The following MARCHF10 variants were observed in gnomAD, a reference collection of about 807,000 sequenced individuals.
The protein encoded by MARCHF10 is probable E3 ubiquitin-protein ligase MARCHF10.
MARCHF10 carries 64 observed loss-of-function variants against 76.2 expected under a neutral mutation model. The observed-to-expected ratio is 0.84, with a 90% CI of 0.69 to 1.03. MARCHF10 has a LOEUF of 1.03. MARCHF10 is among the 50% of genes least tolerant of loss of function. MARCHF10 has a pLI of 0.00. For synonymous variants in MARCHF10, 340 were observed against 357.5 expected (o/e 0.95, Z 0.55); for missense variants, 875 against 958.0 (o/e 0.91, Z 1.14).
intron 1 of MARCHF10, among the ~76,000 whole-genome samples, chr17:62,805,907 A>AT (rs2093155757): frequency 1.6e-5 from 1 of 64,062 alleles, no homozygotes. Flanking sequence ...CCCCTCAAAA[A>AT]TAAAAAAAAA....
intron 3 of MARCHF10, among the ~76,000 whole-genome samples, chr17:62,779,058 A>G (rs1320946645): frequency 6.6e-6 from 1 of 152,204 alleles, no homozygotes; most frequent in Non-Finnish European, 1.5e-5. Context: ...TTCTCTCTCC[A>G]TGACGTGCGT....
chr17:62,716,923 A>C (rs979852646), intron 8 of MARCHF10, among the ~76,000 whole-genome samples: 4 of 152,134 alleles, frequency 2.6e-5, no homozygotes, highest in African/African-American at 9.7e-5. Context: ...CAGGAGGCCC[A>C]GGTGAGCCAG....
At position 62,702,033 on chromosome 17, in the gene MARCHF10, T is replaced by A. The variant is rs1020185063; in HGVS notation, c.2372-275A>T. 5.9e-5 allele frequency among the ~76,000 whole-genome samples: 9 copies of A among 152,292 alleles called. No homozygotes were observed. In the South Asian group the frequency reaches 8.3e-4, roughly 14 times the overall value. On this transcript the variant is annotated intron_variant, in intron 10 of 10. Transcript: ENST00000311269. ...GTCCCCACATAGCCTGGTGCAGAAC[T>A]TGTTTTCAGGCTGAATAGCTGCAGG...
chr17:62,716,210 G>C (rs1190460915), intron 8 of MARCHF10, among the ~76,000 whole-genome samples: 1 of 152,204 alleles, frequency 6.6e-6, no homozygotes, highest in African/African-American at 2.4e-5. Flanking sequence ...CTTCGCTGCT[G>C]GTCGGTAGGG....
In MARCHF10 at chr17:62,744,481, T is replaced by G. The variant is rs752042194; in HGVS notation, c.430A>C (p.Arg144=). 6.2e-6 allele frequency: 10 copies of G among 1,614,174 alleles called. No homozygotes were observed. Among genetic ancestry groups the G allele is most frequent in the South Asian group, 2.2e-5 (2 of 91,070 alleles). The change falls in exon 5 of 11, where the codon AGG becomes CGG. Residue 144 remains arginine (R), a synonymous_variant. Transcript: ENST00000311269. ...VLLRKRKPNL[R]RFTVSPESHS... is the part of the protein sequence containing the mutation. The stretch of plus-strand genomic sequence containing the variant: ...GATTCTGGGCTGACTGTAAATCTCC[T>G]CAGGTTTGGCTTCCTCTTTCTTAAT...
chr17:62,717,557 C>T (rs918957681), intron 8 of MARCHF10, among the ~76,000 whole-genome samples: 2 of 152,234 alleles, frequency 1.3e-5, no homozygotes, highest in Non-Finnish European at 2.9e-5. Context: ...TTGGGTTTGG[C>T]CCATGGGAGG....
At chr17:62,706,002 A>G (rs950070509) in intron 9 of MARCHF10, among the ~76,000 whole-genome samples, 3 of 152,212 alleles carry the variant, frequency 2.0e-5, no homozygotes, top group Non-Finnish European at 4.4e-5. Flanking sequence ...CAGCAGACCC[A>G]TCAAGGCCCT....
intron 7 of MARCHF10, among the ~76,000 whole-genome samples, chr17:62,723,559 C>CTTTTTTTTTTTTTTTTTTTTTTGTTTTTT (rs60456766): frequency 1.2e-5 from 1 of 80,370 alleles, no homozygotes; most frequent in African/African-American, 5.4e-5. Flanking sequence ...GTTCGCTTGA[C>CTTTTTTTTTTTTTTTTTTTTTTGTTTTTT]TTTTTTTTTT....
intron 3 of MARCHF10, among the ~76,000 whole-genome samples, chr17:62,762,391 T>G (rs2092229794): frequency 6.6e-6 from 1 of 152,226 alleles, no homozygotes; most frequent in Admixed American, 6.5e-5. Flanking sequence ...TTTTATCAGT[T>G]GTAAACCGAA....
At chr17:62,741,707 T>C (rs2091510802) in intron 5 of MARCHF10, among the ~76,000 whole-genome samples, 1 of 152,192 alleles carries the variant, frequency 6.6e-6, no homozygotes, top group South Asian at 2.1e-4. Context: ...TATTTTTATT[T>C]TTTTTGTGAG....
intron 2 of MARCHF10, among the ~76,000 whole-genome samples, chr17:62,794,109 CCACCACCACCACCTCCAT>C (rs1434648351): frequency 6.7e-6 from 1 of 149,566 alleles, no homozygotes; most frequent in Non-Finnish European, 1.5e-5. Flanking sequence ...CCCCCATCAA[CCACCACCACCACCTCCAT>C]CACCACCACC....
rs1186912050 is a variant in MARCHF10 at position 62,799,126 on chromosome 17, C to G, written c.90+2520G>C. 5.3e-5 allele frequency among the ~76,000 whole-genome samples: 8 copies of G among 152,260 alleles called. No homozygotes were observed. In the South Asian group the frequency reaches 1.7e-3, roughly 32 times the overall value. On this transcript the variant is annotated intron_variant, in intron 2 of 10. Transcript: ENST00000311269. Reference sequence around the variant, plus strand: ...AAAATCGTGATGATAACAGAGGGAGCTGATGGACAAGTAAATGTGTTGACG... The same window carrying G: ...AAAATCGTGATGATAACAGAGGGAGGTGATGGACAAGTAAATGTGTTGACG...
Position 62,711,203 on chromosome 17 carries a change from G to A in MARCHF10, c.2328+28C>T, listed in dbSNP as rs2089914062. 2 of 1,598,350 alleles carry A rather than the reference G, an allele frequency of 1.3e-6. No homozygotes were observed. The highest frequency in any genetic ancestry group is 4.5e-5 in the East Asian group (2 of 44,796). On this transcript the variant is annotated intron_variant, in intron 9 of 10. Coordinates refer to ENST00000311269, the MANE Select transcript of MARCHF10 (RefSeq NM_152598.4). The surrounding 1 kb of genome is among the most constrained non-coding windows in gnomAD (Gnocchi z 4.4). ...TGCAGGGTTTTCAGGGCTGCCACCG[G>A]ACAGCTCTGGGTCACAGCCAGACTT...
rs1429549339 is a variant in MARCHF10 at position 62,792,773 on chromosome 17, T to TACAACCATCACCACCACCACCACCATC, written c.91-4175_91-4174insGATGGTGGTGGTGGTGGTGATGGTTGT. Among the ~76,000 whole-genome samples the TACAACCATCACCACCACCACCACCATC allele has an allele frequency of 2.1e-3, 68 of 31,678 alleles. 7 individuals carry two copies. Among genetic ancestry groups the TACAACCATCACCACCACCACCACCATC allele is most frequent in the African/African-American group, 9.2e-3 (64 of 6,994 alleles). The allele number at this position is 31,678 out of a possible 152,430, so 20.8% of individuals were successfully genotyped here. A position where few individuals can be genotyped will look rare whatever the true frequency, so the allele number is the denominator to read the frequency against. On this transcript the variant is annotated intron_variant, in intron 2 of 10. Coordinates refer to ENST00000311269, the MANE Select transcript of MARCHF10 (RefSeq NM_152598.4). The stretch of plus-strand genomic sequence containing the variant: ...CCATCACCACCACCACCTCCATCAC[T>TACAACCATCACCACCACCACCACCATC]ACCACCACCACCTCCATCACCACCA...
chr17:62,744,922 T>G (rs1230970575), intron 4 of MARCHF10, among the ~76,000 whole-genome samples: 2 of 143,880 alleles, frequency 1.4e-5, no homozygotes, highest in Non-Finnish European at 3.0e-5. Flanking sequence ...GAGAATTGCT[T>G]GAACCTGGGA....
Position 62,768,254 on chromosome 17 carries a change from C to A in MARCHF10, c.211-8248G>T, listed in dbSNP as rs368034570. On this transcript the variant is annotated intron_variant, in intron 3 of 10. Transcript: ENST00000311269. ...TTCATATGGGCCAGGTGCAGTGGCT[C>A]ATGCCTGTAGTCCCAGTACTTTGGG... 3.5e-4 allele frequency among the ~76,000 whole-genome samples: 54 copies of A among 152,300 alleles called. No individual in the cohort carries two copies. The East Asian group carries it at 4.8e-3, about 14-fold the overall frequency.
At chr17:62,725,390 A>G (rs2147728175) in intron 6 of MARCHF10, among the ~76,000 whole-genome samples, 1 of 152,160 alleles carries the variant, frequency 6.6e-6, no homozygotes, top group Admixed American at 6.5e-5. Flanking sequence ...TCAGCCTCCC[A>G]AGTAGCTGGA....
chr17:62,795,647 C>T (rs998473803), intron 2 of MARCHF10, among the ~76,000 whole-genome samples: 4 of 152,164 alleles, frequency 2.6e-5, no homozygotes, highest in Non-Finnish European at 2.9e-5. Flanking sequence ...CAACACTTAG[C>T]GTATTTTAGG....
At chr17:62,703,633 G>A (rs750896939) in intron 10 of MARCHF10, among the ~76,000 whole-genome samples, 5 of 152,250 alleles carry the variant, frequency 3.3e-5, no homozygotes, top group Non-Finnish European at 5.9e-5. Context: ...CCTTGGGGCC[G>A]AGAGCGGCAG....
Sources: allele counts gnomAD v4.1 joint callset (sites outside exome capture counted in the v4.1 genomes callset), GRCh38; gene constraint gnomAD v4.1.1; non-coding constraint Gnocchi (gnomAD v3.1); transcripts MANE v1.5; gene names NCBI Gene and HGNC (gene_info 2026-07-23, HGNC 2026-07-21).